PHIP: variants seen among roughly 807,000 people sequenced by gnomAD.
PHIP encodes the protein PH-interacting protein.
A neutral mutation model predicts 236.8 loss-of-function variants in PHIP; 54 were observed. The ratio of observed to expected loss-of-function variants is 0.23; its 90% CI spans 0.18 to 0.29. PHIP has a LOEUF of 0.29. Ranked by LOEUF, PHIP falls within the 10% of genes least tolerant of loss-of-function variation. The pLI, the probability that PHIP is intolerant of heterozygous loss-of-function variation, is 1.00. For synonymous variants in PHIP, 756 were observed against 718.9 expected (o/e 1.05, Z -0.83); for missense variants, 1,370 against 2,190.8 (o/e 0.63, Z 7.48).
At chr6:78,943,990 T>TAAAA (rs558983037) in intron 39 of PHIP, among the ~76,000 whole-genome samples, 1,740 of 78,034 alleles carry the variant, frequency 0.022, 53 homozygotes, top group East Asian at 0.052. Context: ...TGTCTTTTTT[T>TAAAA]AAAAAAAAAA....
chr6:79,050,192 CAAGGA>C (rs1772718103), intron 6 of PHIP, among the ~76,000 whole-genome samples: 1 of 151,838 alleles, frequency 6.6e-6, no homozygotes, highest in South Asian at 2.1e-4. Flanking sequence ...CAATACATAA[CAAGGA>C]GAGGAAAAAG....
rs143038624 is a variant in PHIP, at chr6:79,016,876, C to T, written c.1137-234G>A. Among the ~76,000 whole-genome samples, 5 of 151,988 alleles carry T rather than the reference C, an allele frequency of 3.3e-5. No homozygotes were observed. The East Asian group carries it at 9.7e-4, about 29-fold the overall frequency. On this transcript the variant is annotated intron_variant, in intron 12 of 39. Coordinates refer to ENST00000275034, the MANE Select transcript of PHIP (RefSeq NM_017934.7). ...TGATTCAAGGTCACTATGTACTACC[C>T]TAGAAATAAAATCGACATTTTCCAA...
intron 9 of PHIP, among the ~76,000 whole-genome samples, chr6:79,024,348 T>C (rs767803971): frequency 6.6e-6 from 1 of 152,202 alleles, no homozygotes. Flanking sequence ...ATTACTGATA[T>C]ATACCTTCTA....
intron 22 of PHIP, among the ~76,000 whole-genome samples, 179 bp downstream of exon 22, chr6:78,985,173 C>T (rs1768786959): frequency 6.6e-6 from 1 of 151,574 alleles, no homozygotes. Context: ...GTTGCAATCA[C>T]CAAAAAATTA....
chr6:79,064,627 T>C (rs1244086761), intron 4 of PHIP, among the ~76,000 whole-genome samples: 4 of 152,188 alleles, frequency 2.6e-5, no homozygotes, highest in Non-Finnish European at 4.4e-5. Flanking sequence ...CTATCTTCTC[T>C]TAACTTTTGT....
chr6:79,019,378 C>A (rs375222604), intron 9 of PHIP, among the ~76,000 whole-genome samples: 1 of 152,042 alleles, frequency 6.6e-6, no homozygotes, highest in African/African-American at 2.4e-5. Context: ...CACAACAATA[C>A]GTACATGGAA....
chr6:78,983,029 T>C lies in PHIP; in HGVS notation c.2626A>G (p.Lys876Glu). ...TCTTCATCTGAACTGCTTTCTGCTT[T>C]CTTGGTTTTATTCTTAGGAACTTTC... ...PKKVPKNKTK[K>E]AESSSDEEEE... Residue 876 changes from lysine (K) to glutamate (E), a missense_variant, in exon 23 of 40, where the codon AAA becomes GAA. Around this residue, in one of 14 missense-constraint regions of PHIP, gnomAD observed 76 missense variants for 76.4 expected, o/e 0.99. Coordinates refer to ENST00000275034, the MANE Select transcript of PHIP (RefSeq NM_017934.7). 1 of 1,612,510 alleles carries C rather than the reference T, an allele frequency of 6.2e-7. No homozygotes were observed. The highest frequency in any genetic ancestry group is 2.2e-5 in the East Asian group (1 of 44,758).
At chr6:79,064,278 T>C (rs1445084495) in intron 4 of PHIP, among the ~76,000 whole-genome samples, 1 of 152,186 alleles carries the variant, frequency 6.6e-6, no homozygotes, top group Non-Finnish European at 1.5e-5. Flanking sequence ...CATGTAAACA[T>C]GCTCATTTTG....
intron 16 of PHIP, among the ~76,000 whole-genome samples, chr6:79,003,105 C>T (rs1770091856): frequency 6.6e-6 from 1 of 152,048 alleles, no homozygotes; most frequent in Non-Finnish European, 1.5e-5. Flanking sequence ...AAGTTGGGGT[C>T]TTTAACTGCT....
intron 29 of PHIP, among the ~76,000 whole-genome samples, chr6:78,964,860 T>C (rs1027571441): frequency 1.3e-5 from 2 of 152,232 alleles, no homozygotes; most frequent in Non-Finnish European, 2.9e-5. Context: ...GTCTTTATAA[T>C]GCTACTCTAT....
chr6:78,939,190 T>G lies in PHIP; in HGVS notation c.*1503A>C, dbSNP rs778058153. On this transcript the variant is annotated 3_prime_UTR_variant, in exon 40 of 40. Transcript: ENST00000275034. ...TAAACAAATAAATAACTGCTTTCCT[T>G]TTCCATAGCAGTACATATAGCAATA... 1.3e-5 allele frequency: 2 copies of G among 151,848 alleles called. No individual in the cohort carries two copies. Among genetic ancestry groups the G allele is most frequent in the Non-Finnish European group, 3.0e-5 (2 of 67,752 alleles). The allele number at this position is 151,848 out of a possible 1,614,324, so 9.4% of individuals were successfully genotyped here.
At chr6:78,994,116 A>G (rs1769452750) in intron 19 of PHIP, among the ~76,000 whole-genome samples, 1 of 152,238 alleles carries the variant, frequency 6.6e-6, no homozygotes, top group African/African-American at 2.4e-5. Context: ...CAAGAGAACT[A>G]TAATTAGAAG....
intron 29 of PHIP, among the ~76,000 whole-genome samples, chr6:78,964,494 ATAT>A (rs990359197): frequency 1.6e-4 from 24 of 151,998 alleles, no homozygotes; most frequent in African/African-American, 5.8e-4. Context: ...GAGATGTAAT[ATAT>A]TATTATTATT....
In PHIP at chr6:79,077,556, C is replaced by A. The variant is rs775816422; in HGVS notation, c.130-49G>T. The A allele has an allele frequency of 4.1e-5, 48 of 1,173,832 alleles. 1 individual carries two copies. In the Admixed American group the frequency reaches 1.9e-3, roughly 47 times the overall value. 72.7% of individuals were successfully genotyped at this position (1,173,832 alleles called of 1,614,324 possible). ...AGCCCGGCCCCCGGCCCCTACCCGC[C>A]CGCTCCCCTCCCCCGCCCGCCCCGC... On this transcript the variant is annotated intron_variant, in intron 3 of 39. Transcript: ENST00000275034.
At chr6:79,000,547 G>A (rs903560257) in intron 17 of PHIP, among the ~76,000 whole-genome samples, 1 of 151,990 alleles carries the variant, frequency 6.6e-6, no homozygotes, top group Non-Finnish European at 1.5e-5. Context: ...AATTAGCACT[G>A]ATACTTTAAT....
At chr6:78,974,381 G>C (rs1054185317) in intron 24 of PHIP, among the ~76,000 whole-genome samples, 9 of 151,802 alleles carry the variant, frequency 5.9e-5, no homozygotes, top group Non-Finnish European at 8.8e-5. Context: ...AAAGCAGTGT[G>C]TAGAGGGAAA....
intron 7 of PHIP, among the ~76,000 whole-genome samples, chr6:79,041,574 T>C (rs1187343352): frequency 3.3e-5 from 5 of 152,056 alleles, no homozygotes; most frequent in Non-Finnish European, 7.4e-5. Flanking sequence ...TTTCAAACAT[T>C]AGAAAAATCA....
chr6:79,046,877 A>G (rs1772517056), intron 6 of PHIP, among the ~76,000 whole-genome samples: 1 of 151,658 alleles, frequency 6.6e-6, no homozygotes, highest in Non-Finnish European at 1.5e-5. Flanking sequence ...CTCCATCTCA[A>G]ACAACAACAA....
intron 23 of PHIP, among the ~76,000 whole-genome samples, chr6:78,982,304 CA>C (rs1554200554): frequency 1.3e-5 from 2 of 152,040 alleles, no homozygotes; most frequent in Non-Finnish European, 2.9e-5. Context: ...TGCTTTCTCT[CA>C]AATTGTCCAC....
Sources: allele counts gnomAD v4.1 joint callset (sites outside exome capture counted in the v4.1 genomes callset), GRCh38; gene constraint gnomAD v4.1.1; regional missense constraint gnomAD v4.1.1; transcripts MANE v1.5; gene names NCBI Gene and HGNC (gene_info 2026-07-23, HGNC 2026-07-21).